ZNF416: variants seen among roughly 807,000 people sequenced by gnomAD.
ZNF416 encodes the protein zinc finger protein 416.
Under a neutral mutation model 10.9 loss-of-function variants are expected in ZNF416, and 5 were observed. That is an observed-to-expected ratio of 0.46 (90% CI 0.24 to 0.97). The LOEUF is 0.97. ZNF416 is among the 50% of genes least tolerant of loss of function. The pLI, the probability that ZNF416 is intolerant of heterozygous loss-of-function variation, is 0.19. For synonymous variants in ZNF416, 267 were observed against 251.8 expected (o/e 1.06, Z -0.57); for missense variants, 675 against 715.0 (o/e 0.94, Z 0.64).
chr19:57,578,132 A>G (rs1375517535), intron 1 of ZNF416, 34 bp from the exon 2 acceptor site: 3 of 1,613,388 alleles, frequency 1.9e-6, no homozygotes, highest in Non-Finnish European at 2.5e-6. Context: ...GAGGCAGGTA[A>G]CTATGGTGGA....
chr19:57,576,083 C>T (rs997201485), intron 2 of ZNF416, among the ~76,000 whole-genome samples, 153 bp from the exon 3 acceptor site: 1 of 152,102 alleles, frequency 6.6e-6, no homozygotes, highest in African/African-American at 2.4e-5. Context: ...CCTGCCCTCT[C>T]CTCATGGTCC....
Position 57,573,449 on chromosome 19 carries a change from T to A in ZNF416, c.455A>T (p.Asp152Val). ...HHSAEKPLES[D>V]MDKASFVQCC... ...CTGCACAAATGAGGCCTTGTCCATG[T>A]CACTTTCCAAGGGTTTCTCTGCACT... The change falls in exon 4 of 4, where the codon GAC becomes GTC. Residue 152 changes from aspartate to valine, a missense_variant. Coordinates refer to ENST00000196489, the MANE Select transcript of ZNF416 (RefSeq NM_017879.3). 1.9e-6 allele frequency: 3 copies of A among 1,614,256 alleles called. No individual in the cohort carries two copies. Among genetic ancestry groups the A allele is most frequent in the Admixed American group, 1.7e-5 (1 of 60,030 alleles).
In ZNF416 at chr19:57,573,604, G is replaced by T. The variant is rs141067282; in HGVS notation, c.300C>A (p.Thr100=). Reference sequence around the variant, plus strand: ...ACATGTCACAGGATTGAATCTTCTGGGTGGATGGACTGGCCTCTGGAGTCC... The same window carrying T: ...ACATGTCACAGGATTGAATCTTCTGTGTGGATGGACTGGCCTCTGGAGTCC... ...QVRTPEASPS[T]QKIQSCDMCV... is the part of the protein sequence containing the mutation. Residue 100 remains threonine (T), a synonymous_variant, in exon 4 of 4, where the codon ACC becomes ACA. Transcript: ENST00000196489. 6.2e-7 allele frequency: 1 copy of T among 1,614,016 alleles called. No homozygotes were observed. The highest frequency in any genetic ancestry group is 1.3e-5 in the African/African-American group (1 of 74,888).
chr19:57,578,799 G>C lies in ZNF416; in HGVS notation c.-95C>G. 8.0e-7 allele frequency: 1 copy of C among 1,245,664 alleles called. No individual in the cohort carries two copies. Among genetic ancestry groups the C allele is most frequent in the Non-Finnish European group, 1.1e-6 (1 of 947,634 alleles). 77.2% of individuals were successfully genotyped at this position (1,245,664 alleles called of 1,614,324 possible). On this transcript the variant is annotated 5_prime_UTR_variant, in exon 1 of 4. Transcript: ENST00000196489. ...CAGCGCCAGCGACCCACCGGCTGAT[G>C]CGCAGCGGGGCGACCCCCGCTCTGT...
rs2090193336 is a variant in ZNF416 at position 57,571,611 on chromosome 19, G to A, written c.*508C>T. On this transcript the variant is annotated 3_prime_UTR_variant, in exon 4 of 4. Transcript: ENST00000196489. ...TTATTACCACACAAACCAGAGCAATGTGAGGCAGCCAGTTACTAGGTGGTG... is the reference window on the plus strand; with the variant it reads ...TTATTACCACACAAACCAGAGCAATATGAGGCAGCCAGTTACTAGGTGGTG... The A allele has an allele frequency of 6.3e-6, 1 of 157,990 alleles. No homozygotes were observed. The highest frequency in any genetic ancestry group is 1.4e-5 in the Non-Finnish European group (1 of 71,116). 9.8% of individuals were successfully genotyped at this position (157,990 alleles called of 1,614,324 possible).
In ZNF416 at chr19:57,573,630, T is replaced by C; in HGVS notation, c.274A>G (p.Arg92Gly). The change falls in exon 4 of 4, where the codon AGG (arginine) becomes GGG (glycine). Residue 92 changes from arginine to glycine, a missense_variant. Transcript: ENST00000196489. ...SVSVEGVPQV[R>G]TPEASPSTQK... ...GTGGATGGACTGGCCTCTGGAGTCC[T>C]GACCTGAGGTACTCCTTCTACAGAA... 6.2e-7 allele frequency: 1 copy of C among 1,614,208 alleles called. No homozygotes were observed. The highest frequency in any genetic ancestry group is 8.5e-7 in the Non-Finnish European group (1 of 1,180,020).
chr19:57,578,684 C>A lies in ZNF416; in HGVS notation c.21G>T (p.Arg7Ser). 6.4e-7 allele frequency: 1 copy of A among 1,554,630 alleles called. No homozygotes were observed. Among genetic ancestry groups the A allele is most frequent in the Admixed American group, 1.9e-5 (1 of 52,816 alleles). Reference sequence around the variant, plus strand: ...ACGCAGCACTCACCGAAGTCGAATCCCTAAGCACGGCCGCCGCCATCGGAT... The same window carrying A: ...ACGCAGCACTCACCGAAGTCGAATCACTAAGCACGGCCGCCGCCATCGGAT... Reference protein sequence around the residue: MAAAVLRDSTSVPVTAE... With the variant: MAAAVLSDSTSVPVTAE... Residue 7 changes from arginine (R) to serine (S), a missense_variant, in exon 1 of 4, where the codon AGG (arginine) becomes AGT (serine). Coordinates refer to ENST00000196489, the MANE Select transcript of ZNF416 (RefSeq NM_017879.3).
intron 2 of ZNF416, 110 bp from the exon 3 acceptor site, chr19:57,576,040 C>T: frequency 7.2e-7 from 1 of 1,397,792 alleles, no homozygotes; most frequent in Admixed American, 2.2e-5. Flanking sequence ...AGCCCCACCT[C>T]AGAGGAGATA....
In ZNF416 at chr19:57,571,949, A is replaced by G. The variant is rs145105221; in HGVS notation, c.*170T>C. 94 of 789,778 alleles carry G rather than the reference A, an allele frequency of 1.2e-4. 1 individual carries two copies. The highest frequency in any genetic ancestry group is 6.8e-4 in the East Asian group (27 of 39,968). 48.9% of individuals were successfully genotyped at this position (789,778 alleles called of 1,614,324 possible). A position where few individuals can be genotyped will look rare whatever the true frequency, so the allele number is the denominator to read the frequency against. Reference sequence around the variant, plus strand: ...ATGCAAAGGAGCTCCTGCAAGACACATATGCCTGGAACTAATGGGAGTCTG... The same window carrying G: ...ATGCAAAGGAGCTCCTGCAAGACACGTATGCCTGGAACTAATGGGAGTCTG... On this transcript the variant is annotated 3_prime_UTR_variant, in exon 4 of 4. Transcript: ENST00000196489.
chr19:57,574,990 G>A (rs1389817519), intron 3 of ZNF416, among the ~76,000 whole-genome samples: 1 of 152,314 alleles, frequency 6.6e-6, no homozygotes, highest in East Asian at 1.9e-4. Context: ...GACACATGGA[G>A]GGCAGGAAGA....
Position 57,572,130 on chromosome 19 carries a change from T to C in ZNF416, c.1774A>G (p.Asn592Asp), listed in dbSNP as rs1385549969. Residue 592 changes from asparagine to aspartate, a missense_variant, in exon 4 of 4, where the codon AAC becomes GAC. Asn to Asp is a conservative substitution (Grantham distance 23, BLOSUM62 1). Coordinates refer to ENST00000196489, the MANE Select transcript of ZNF416 (RefSeq NM_017879.3). This position sits in a 1 kb window ranked among gnomAD's most constrained non-coding sequence, Gnocchi z 4.5. ...KCGKPYSPRS[N>D]IV ...TGGAGTTTCAAGAGTTAAACAATGT[T>C]AGATCTTGGGCTGTAGGGTTTTCCA... is the stretch of plus-strand genomic sequence containing the variant. The C allele has an allele frequency of 1.2e-6, 2 of 1,610,556 alleles. No individual in the cohort carries two copies. The highest frequency in any genetic ancestry group is 1.7e-6 in the Non-Finnish European group (2 of 1,177,174).
chr19:57,573,232 G>A lies in ZNF416; in HGVS notation c.672C>T (p.Ser224=), dbSNP rs200244630. The A allele has an allele frequency of 1.9e-6, 3 of 1,614,212 alleles. No homozygotes were observed. The highest frequency in any genetic ancestry group is 1.7e-6 in the Non-Finnish European group (2 of 1,180,034). Residue 224 remains serine (S), a synonymous_variant, in exon 4 of 4, where the codon TCC becomes TCT. Transcript: ENST00000196489. ...GGTGAAAAAAAGTGTGTTTGTGGCT[G>A]GACTCTCTCCTGCATTGACTCCACT... ...HYKWSQCRRE[S]SHKHTFFHPR...
chr19:57,578,236 G>T, intron 1 of ZNF416, 138 bp from the exon 2 acceptor site: 1 of 829,498 alleles, frequency 1.2e-6, no homozygotes, highest in Non-Finnish European at 2.0e-6. Context: ...TCAGTTCCGT[G>T]TGACTCTTAC....
intron 2 of ZNF416, 77 bp downstream of exon 2, chr19:57,577,975 CAAGAG>C (rs1158507607): frequency 7.3e-6 from 11 of 1,497,078 alleles, no homozygotes; most frequent in Non-Finnish European, 1.0e-5. Flanking sequence ...CAAAGAGTGC[CAAGAG>C]AAGAGTCCCA....
At chr19:57,576,172 T>C (rs1049896503) in intron 2 of ZNF416, among the ~76,000 whole-genome samples, 1 of 152,132 alleles carries the variant, frequency 6.6e-6, no homozygotes, top group Non-Finnish European at 1.5e-5. Flanking sequence ...GTCTAGCATA[T>C]AGGGCTGGAT....
chr19:57,578,031 G>C (rs1181119021), intron 2 of ZNF416, 26 bp downstream of exon 2: 1 of 1,613,870 alleles, frequency 6.2e-7, no homozygotes, highest in East Asian at 2.2e-5. Flanking sequence ...CAGCATCAGT[G>C]AGGGCCCGAA....
In ZNF416 at chr19:57,572,163, T is replaced by C. The variant is rs2090196668; in HGVS notation, c.1741A>G (p.Ser581Gly). The change falls in exon 4 of 4, where the codon AGC becomes GGC. Residue 581 changes from serine (S) to glycine (G), a missense_variant. Coordinates refer to ENST00000196489, the MANE Select transcript of ZNF416 (RefSeq NM_017879.3). The surrounding 1 kb of genome is among the most constrained non-coding windows in gnomAD (Gnocchi z 4.5). ...SHTVERPRDS[S>G]KCGKPYSPRS... is the part of the protein sequence containing the mutation. ...GGGCTGTAGGGTTTTCCACATTTGC[T>C]GCTGTCACGAGGCCTCTCCACAGTG... is the stretch of plus-strand genomic sequence containing the variant. 6.2e-7 allele frequency: 1 copy of C among 1,613,830 alleles called. No homozygotes were observed.
At chr19:57,577,969 G>C in intron 2 of ZNF416, 88 bp downstream of exon 2, 1 of 1,429,400 alleles carries the variant, frequency 7.0e-7, no homozygotes, top group Non-Finnish European at 9.9e-7. Context: ...AGGACCCAAA[G>C]AGTGCCAAGA....
In ZNF416 at chr19:57,578,848, A is replaced by C. The variant is rs1258869669; in HGVS notation, c.-144T>G. On this transcript the variant is annotated 5_prime_UTR_variant, in exon 1 of 4. Coordinates refer to ENST00000196489, the MANE Select transcript of ZNF416 (RefSeq NM_017879.3). ...GTGCCGGAGGCAGCGTTTCTAACTC[A>C]GGCGGCGTGGGCCGAGGTAGAGAAC... 1.7e-5 allele frequency: 14 copies of C among 808,646 alleles called. No homozygotes were observed. Among genetic ancestry groups the C allele is most frequent in the Non-Finnish European group, 2.1e-5 (12 of 574,680 alleles). The allele number at this position is 808,646 out of a possible 1,614,324, so 50.1% of individuals were successfully genotyped here. A position where few individuals can be genotyped will look rare whatever the true frequency, so the allele number is the denominator to read the frequency against.
Sources: gnomAD v4.1 joint callset for allele counts (sites outside exome capture counted in the v4.1 genomes callset) on GRCh38, gnomAD v4.1.1 for gene constraint, Gnocchi (gnomAD v3.1) non-coding constraint, MANE v1.5 for transcripts, NCBI Gene and HGNC (gene_info 2026-07-23, HGNC 2026-07-21) for gene names.